Variants in BPIFB2 observed in about 807,000 individuals in gnomAD.
BPIFB2 encodes BPI fold-containing family B member 2.
In BPIFB2, 39 loss-of-function variants were observed where a neutral mutation model predicts 50.1. The observed-to-expected ratio is 0.78, with a 90% confidence interval of 0.60 to 1.02. The LOEUF (loss-of-function observed/expected upper bound fraction) is 1.02. BPIFB2 is among the 50% of genes least tolerant of loss of function. The pLI, the probability that BPIFB2 is intolerant of heterozygous loss-of-function variation, is 0.00. For missense variants in BPIFB2, 574 were observed against 585.8 expected, an observed-to-expected ratio of 0.98 and a Z score of 0.21; for synonymous variants, 280 against 256.3, an observed-to-expected ratio of 1.09 and a Z score of -0.88.
chr20:33,020,728 G>A (rs1318507240), intron 13 of BPIFB2, 141 bp downstream of exon 13: 16 of 967,726 alleles, frequency 1.7e-5, no homozygotes, highest in Non-Finnish European at 2.2e-5. Flanking sequence ...GGCTGCTTGG[G>A]GACAGTGGCC....
chr20:33,022,933 C>CTGAA (rs201470366), intron 15 of BPIFB2, among the ~76,000 whole-genome samples: 2,176 of 152,230 alleles, frequency 0.014, 26 homozygotes, highest in South Asian at 0.044. Flanking sequence ...TGAAGATTTA[C>CTGAA]TGAATGAATG....
intron 6 of BPIFB2, among the ~76,000 whole-genome samples, chr20:33,016,673 T>C (rs1978442169): frequency 6.6e-6 from 1 of 152,206 alleles, no homozygotes; most frequent in Non-Finnish European, 1.5e-5. Context: ...TGCCTCTGCA[T>C]GGGCACCACC....
intron 2 of BPIFB2, among the ~76,000 whole-genome samples, chr20:33,010,151 T>C (rs1990265905): frequency 2.0e-5 from 3 of 151,604 alleles, no homozygotes; most frequent in African/African-American, 7.3e-5. Flanking sequence ...CACCATCACC[T>C]CTTATTCTAA....
rs1172486550 is a variant in BPIFB2 at position 33,013,820 on chromosome 20, C to G, written c.319C>G (p.Pro107Ala). ...FTFKVFRAPEPLELTLPVELL... is the reference protein window; with the variant it reads ...FTFKVFRAPEALELTLPVELL... ...CTGGCATCCCTACAGCGCCCCAGAG[C>G]CCCTGGAGCTGACGCTGCCTGTGGA... The change falls in exon 5 of 16, where the codon CCC (proline) becomes GCC (alanine). Residue 107 changes from proline (P) to alanine (A), a missense_variant. By Grantham distance (27) the Pro-to-Ala change is conservative. Transcript: ENST00000170150. The G allele has an allele frequency of 2.5e-6, 4 of 1,613,326 alleles. No homozygotes were observed. The highest frequency in any genetic ancestry group is 3.4e-6 in the Non-Finnish European group (4 of 1,179,862).
chr20:33,023,318 T>C, intron 15 of BPIFB2, 24 bp from the exon 16 acceptor site: 1 of 1,612,586 alleles, frequency 6.2e-7, no homozygotes, highest in Non-Finnish European at 8.5e-7. Flanking sequence ...TCTGACCTGG[T>C]CCATGGTTTC....
Position 33,023,514 on chromosome 20 carries a change from C to T in BPIFB2, c.*131C>T. The T allele has an allele frequency of 1.9e-6, 2 of 1,066,380 alleles. No individual in the cohort carries two copies. The highest frequency in any genetic ancestry group is 1.4e-5 in the South Asian group (1 of 74,042). 66.1% of individuals were successfully genotyped at this position (1,066,380 alleles called of 1,614,324 possible). On this transcript the variant is annotated 3_prime_UTR_variant, in exon 16 of 16. Transcript: ENST00000170150. ...CAACAAGCTGGACTGCTTAGCTGGG[C>T]TGTTTTATCTTCCCTGAGTGCCTGG... is the stretch of plus-strand genomic sequence containing the variant.
intron 1 of BPIFB2, 58 bp from the exon 2 acceptor site, chr20:33,008,483 G>A (rs972700240): frequency 9.8e-6 from 10 of 1,022,910 alleles, no homozygotes; most frequent in African/African-American, 3.2e-5. Context: ...AGTGGGGTTC[G>A]GGTGGCTCAG....
At position 33,023,574 on chromosome 20, in the gene BPIFB2, C is replaced by T. The variant is rs45556839; in HGVS notation, c.*191C>T. 21,440 of 659,634 alleles carry T rather than the reference C, an allele frequency of 0.033. 465 individuals are homozygous for T. The highest frequency in any genetic ancestry group is 0.044 in the Non-Finnish European group (16,200 of 371,096). 40.9% of individuals were successfully genotyped at this position (659,634 alleles called of 1,614,324 possible). On this transcript the variant is annotated 3_prime_UTR_variant, in exon 16 of 16. Transcript: ENST00000170150. ...CCTCACTTCTGCCCTTTCCCTTCCT[C>T]CTCCTCTTCTCCTCCCTCTTCCCTC...
rs748016316 is a variant in BPIFB2, at chr20:33,015,453, T to C, written c.473T>C (p.Leu158Pro). 7 of 1,613,510 alleles carry C rather than the reference T, an allele frequency of 4.3e-6. No individual in the cohort carries two copies. The highest frequency in any genetic ancestry group is 5.9e-6 in the Non-Finnish European group (7 of 1,179,846). Residue 158 changes from leucine (L) to proline (P), a missense_variant, in exon 6 of 16, where the codon CTG becomes CCG. Physicochemically the swap from Leu to Pro is moderately conservative, Grantham distance 98 (BLOSUM62 -3). Transcript: ENST00000170150. ...TCCCTCAGCACCTCCCACGCGCTGCTGGTCCTGGTGCAGAAGCACATTAAA... is the reference window on the plus strand; with the variant it reads ...TCCCTCAGCACCTCCCACGCGCTGCCGGTCCTGGTGCAGAAGCACATTAAA... ...DGSNSTSHAL[L>P]VLVQKHIKAV...
chr20:33,018,540 C>T lies in BPIFB2; in HGVS notation c.670-97C>T, dbSNP rs1418683402. The stretch of plus-strand genomic sequence containing the variant: ...GTGGCATCTTGCAGGGGCTGGGGGG[C>T]AGGGAGTGGCATCTAGGAGTCCAGG... On this transcript the variant is annotated intron_variant, in intron 8 of 15. Coordinates refer to ENST00000170150, the MANE Select transcript of BPIFB2 (RefSeq NM_025227.3). 4 of 1,405,704 alleles carry T rather than the reference C, an allele frequency of 2.8e-6. No homozygotes were observed. The Admixed American group carries it at 6.2e-5, about 22-fold the overall frequency. The allele number at this position is 1,405,704 out of a possible 1,614,324, so 87.1% of individuals were successfully genotyped here.
Position 33,020,407 on chromosome 20 carries a change from C to T in BPIFB2, c.1148+12C>T, listed in dbSNP as rs370202327. ...ACGTCTGTGCTGGGGTAAACGAGCC[C>T]ACCTGGACCCAGCAGCCTCAGTGTG... is the stretch of plus-strand genomic sequence containing the variant. On this transcript the variant is annotated intron_variant, in intron 12 of 15. Transcript: ENST00000170150. 2.5e-6 allele frequency: 4 copies of T among 1,613,486 alleles called. No homozygotes were observed. In the African/African-American group the frequency reaches 5.3e-5, roughly 22 times the overall value.
rs553012294 is a variant in BPIFB2, at chr20:33,011,299, T to C, written c.203+182T>C. On this transcript the variant is annotated intron_variant, in intron 3 of 15. Coordinates refer to ENST00000170150, the MANE Select transcript of BPIFB2 (RefSeq NM_025227.3). ...CTCTCCACTGAAGGTGAGTGCTCCC[T>C]CCCACAAGGTGAGTGGTCACAAGAT... Among the ~76,000 whole-genome samples the C allele has an allele frequency of 5.3e-5, 8 of 152,292 alleles. No individual in the cohort carries two copies. The South Asian group carries it at 1.2e-3, about 24-fold the overall frequency.
At chr20:33,015,617 G>A (rs1235862445) in intron 6 of BPIFB2, 121 bp downstream of exon 6, 12 of 805,272 alleles carry the variant, frequency 1.5e-5, no homozygotes, top group Admixed American at 3.0e-5. Context: ...AAAAAAAGAC[G>A]CCCCTTCATG....
Position 33,019,622 on chromosome 20 carries a change from G to A in BPIFB2, c.952G>A (p.Val318Met), listed in dbSNP as rs150853059. The A allele has an allele frequency of 1.2e-6, 2 of 1,609,990 alleles. No homozygotes were observed. Among genetic ancestry groups the A allele is most frequent in the Non-Finnish European group, 1.7e-6 (2 of 1,177,692 alleles). ...CGAGCCCATGCCTGTGGTGCTCAAG[G>A]TGCGGCTGGGTGCCACACCTGTGGC... ...FPEPMPVVLKVRLGATPVAML... is the reference protein window; with the variant it reads ...FPEPMPVVLKMRLGATPVAML... The change falls in exon 11 of 16, where the codon GTG becomes ATG. Residue 318 changes from valine (V) to methionine (M), a missense_variant. Physicochemically the swap from Val to Met is conservative, Grantham distance 21. Transcript: ENST00000170150.
At chr20:33,018,432 G>C in intron 8 of BPIFB2, 82 bp downstream of exon 8, 1 of 1,381,222 alleles carries the variant, frequency 7.2e-7, no homozygotes, top group Non-Finnish European at 1.0e-6. Context: ...CTAAAGGAGC[G>C]GGGGAGTGGG....
Position 33,014,018 on chromosome 20 carries a change from C to G in BPIFB2, c.455+62C>G, listed in dbSNP as rs1990323844. On this transcript the variant is annotated intron_variant, in intron 5 of 15. Coordinates refer to ENST00000170150, the MANE Select transcript of BPIFB2 (RefSeq NM_025227.3). ...AGATGCCAAAGCTGTGCTGCTGTTT[C>G]CTGAGCTGCCCACTCAGGACTTTAA... 4 of 1,558,676 alleles carry G rather than the reference C, an allele frequency of 2.6e-6. No homozygotes were observed. The South Asian group carries it at 4.8e-5, about 19-fold the overall frequency.
At position 33,019,065 on chromosome 20, in the gene BPIFB2, T is replaced by G. The variant is rs1377461947; in HGVS notation, c.859T>G (p.Ser287Ala). The change falls in exon 10 of 16, where the codon TCG (serine) becomes GCG (alanine). Residue 287 changes from serine to alanine, a missense_variant. By Grantham distance (99) the Ser-to-Ala change is moderately conservative. Coordinates refer to ENST00000170150, the MANE Select transcript of BPIFB2 (RefSeq NM_025227.3). Reference sequence around the variant, plus strand: ...TGGCCTGGGGTGCTGATTTCAGAGGTCGGATGACAACCTGCTGAACACCTC... The same window carrying G: ...TGGCCTGGGGTGCTGATTTCAGAGGGCGGATGACAACCTGCTGAACACCTC... The part of the protein sequence containing the change: ...LNLDITGQLR[S>A]DDNLLNTSAL... 6.2e-7 allele frequency: 1 copy of G among 1,613,954 alleles called. No individual in the cohort carries two copies. Among genetic ancestry groups the G allele is most frequent in the Admixed American group, 1.7e-5 (1 of 59,994 alleles).
In BPIFB2 at chr20:33,015,446, G is replaced by C. The variant is rs933122372; in HGVS notation, c.466G>C (p.Ala156Pro). The C allele has an allele frequency of 6.2e-7, 1 of 1,613,392 alleles. No homozygotes were observed. The highest frequency in any genetic ancestry group is 8.5e-7 in the Non-Finnish European group (1 of 1,179,792). The stretch of plus-strand genomic sequence containing the variant: ...GTGTTTCTCCCTCAGCACCTCCCAC[G>C]CGCTGCTGGTCCTGGTGCAGAAGCA... Reference protein sequence around the residue: ...EFDGSNSTSHALLVLVQKHIK... With the variant: ...EFDGSNSTSHPLLVLVQKHIK... The change falls in exon 6 of 16, where the codon GCG (alanine) becomes CCG (proline). Residue 156 changes from alanine (A) to proline (P), a missense_variant. By Grantham distance (27) the Ala-to-Pro change is conservative. Coordinates refer to ENST00000170150, the MANE Select transcript of BPIFB2 (RefSeq NM_025227.3).
Position 33,018,654 on chromosome 20 carries a change from G to A in BPIFB2, c.687G>A (p.Leu229=). The change falls in exon 9 of 16, where the codon CTG becomes CTA. Residue 229 remains leucine, a synonymous_variant. Transcript: ENST00000170150. ...SLEVNAVLFL[L]GKPIILPTDA... is the part of the protein sequence containing the mutation. ...CCCTACAGGCTGTTCTCTTCCTGCTGGGCAAGCCCATCATCCTGCCCACGG... is the reference window on the plus strand; with the variant it reads ...CCCTACAGGCTGTTCTCTTCCTGCTAGGCAAGCCCATCATCCTGCCCACGG... The A allele has an allele frequency of 6.2e-7, 1 of 1,613,140 alleles. No individual in the cohort carries two copies. The highest frequency in any genetic ancestry group is 8.5e-7 in the Non-Finnish European group (1 of 1,179,576).
Sources: allele counts gnomAD v4.1 joint callset (sites outside exome capture counted in the v4.1 genomes callset), GRCh38; gene constraint gnomAD v4.1.1; transcripts MANE v1.5; gene names NCBI Gene and HGNC (gene_info 2026-07-23, HGNC 2026-07-21).